Variants in EMP2 observed in about 807,000 individuals in gnomAD.
The protein encoded by EMP2 is epithelial membrane protein 2.
A neutral mutation model predicts 13.7 loss-of-function variants in EMP2; 19 were observed. The ratio of observed to expected loss-of-function variants is 1.38; its 90% CI spans 0.97 to 2.03. The LOEUF (loss-of-function observed/expected upper bound fraction) is 2.03, where lower values mean the gene tolerates loss of function less well. Among genes scored for constraint, EMP2 ranks in the 30% most tolerant of loss-of-function variants. The probability of loss-of-function intolerance (pLI) is 0.00; values close to 1 mark genes in which losing one functional copy is unlikely to be tolerated. For missense variants in EMP2, 253 were observed against 220.7 expected, an observed-to-expected ratio of 1.15 and a Z score of -0.93; for synonymous variants, 97 against 84.7, an observed-to-expected ratio of 1.15 and a Z score of -0.80.
Position 10,530,365 on chromosome 16 carries a change from C to T in EMP2, c.*2540G>A, listed in dbSNP as rs2050588689. The T allele has an allele frequency of 6.6e-6, 1 of 152,520 alleles. No homozygotes were observed. The highest frequency in any genetic ancestry group is 1.5e-5 in the Non-Finnish European group (1 of 68,058). 9.4% of individuals were successfully genotyped at this position (152,520 alleles called of 1,614,324 possible). A position where few individuals can be genotyped will look rare whatever the true frequency, so the allele number is the denominator to read the frequency against. Reference sequence around the variant, plus strand: ...AGCCAATCCTGCATTGAAGAGATATCCATGGTGGCCCTAAAACTACTCAAA... The same window carrying T: ...AGCCAATCCTGCATTGAAGAGATATTCATGGTGGCCCTAAAACTACTCAAA... On this transcript the variant is annotated 3_prime_UTR_variant, in exon 5 of 5. Coordinates refer to ENST00000359543, the MANE Select transcript of EMP2 (RefSeq NM_001424.6).
chr16:10,554,976 C>T (rs1225623001), intron 1 of EMP2, among the ~76,000 whole-genome samples: 2 of 152,118 alleles, frequency 1.3e-5, no homozygotes, highest in Non-Finnish European at 2.9e-5. Context: ...GCATCTTATT[C>T]GTTCAGTTGT....
In EMP2 at chr16:10,537,910, G is replaced by A; in HGVS notation, c.316+18C>T. On this transcript the variant is annotated intron_variant, in intron 4 of 4. Coordinates refer to ENST00000359543, the MANE Select transcript of EMP2 (RefSeq NM_001424.6). ...TTCCAGAAAGCCCCTTGTTAGGGAA[G>A]CCCGTTGATGTACTTACATGACATT... 6.2e-7 allele frequency: 1 copy of A among 1,609,780 alleles called. No homozygotes were observed. The highest frequency in any genetic ancestry group is 8.5e-7 in the Non-Finnish European group (1 of 1,176,410).
intron 3 of EMP2, among the ~76,000 whole-genome samples, 195 bp downstream of exon 3, chr16:10,543,375 G>A (rs185058238): frequency 5.3e-5 from 8 of 152,366 alleles, no homozygotes; most frequent in East Asian, 1.9e-4. Flanking sequence ...TCCAGCCTCC[G>A]GCTTCTCCAC....
intron 1 of EMP2, among the ~76,000 whole-genome samples, chr16:10,572,358 G>A (rs929671584): frequency 2.6e-5 from 4 of 151,872 alleles, no homozygotes; most frequent in Non-Finnish European, 4.4e-5. Flanking sequence ...GAGGACAGAG[G>A]ATCACTTGAG....
At chr16:10,557,796 C>T (rs1490612712) in intron 1 of EMP2, among the ~76,000 whole-genome samples, 1 of 152,066 alleles carries the variant, frequency 6.6e-6, no homozygotes, top group Non-Finnish European at 1.5e-5. Flanking sequence ...CAGGAAATTA[C>T]AACTTCAGAC....
intron 1 of EMP2, among the ~76,000 whole-genome samples, chr16:10,555,899 T>C (rs575283389): frequency 6.6e-6 from 1 of 152,308 alleles, no homozygotes; most frequent in African/African-American, 2.4e-5. Context: ...AGCAATCACT[T>C]TTAATCTTTT....
chr16:10,542,898 C>T (rs529375250), intron 3 of EMP2, among the ~76,000 whole-genome samples: 6 of 152,266 alleles, frequency 3.9e-5, no homozygotes, highest in African/African-American at 1.2e-4. Flanking sequence ...CAGGGTGGAG[C>T]GCAGTGGCGT....
At chr16:10,571,878 G>A (rs1377704782) in intron 1 of EMP2, among the ~76,000 whole-genome samples, 3 of 152,286 alleles carry the variant, frequency 2.0e-5, no homozygotes, top group South Asian at 4.1e-4. Context: ...TATACTGAGA[G>A]GCCACCACTG....
At chr16:10,533,140 A>T (rs746145602) in intron 4 of EMP2, 48 bp from the exon 5 acceptor site, 2 of 1,445,512 alleles carry the variant, frequency 1.4e-6, no homozygotes, top group South Asian at 3.2e-5. Context: ...ACCACAGTGC[A>T]CCCTGGGTAG....
chr16:10,565,602 C>T (rs924433075), intron 1 of EMP2, among the ~76,000 whole-genome samples: 13 of 152,134 alleles, frequency 8.5e-5, no homozygotes, highest in African/African-American at 2.9e-4. Context: ...TCTGCAGAAC[C>T]CTAATATAGC....
At chr16:10,542,259 ATGG>A (rs1315918331) in intron 3 of EMP2, among the ~76,000 whole-genome samples, 2 of 152,034 alleles carry the variant, frequency 1.3e-5, no homozygotes, top group African/African-American at 2.4e-5. Flanking sequence ...TTAGCTGGGC[ATGG>A]TGGTGAGTGC....
At chr16:10,552,762 G>T (rs1205732666) in intron 1 of EMP2, among the ~76,000 whole-genome samples, 14 of 152,204 alleles carry the variant, frequency 9.2e-5, no homozygotes, top group Non-Finnish European at 1.5e-5. Context: ...AGGACAGGTG[G>T]TCCTCAGTGT....
chr16:10,541,220 C>T (rs12599675), intron 3 of EMP2, among the ~76,000 whole-genome samples: 28,118 of 149,620 alleles, frequency 0.19, 3,092 homozygotes, highest in African/African-American at 0.31. Context: ...CTGGGCAACA[C>T]AGCAAGACCC....
At position 10,528,442 on chromosome 16, in the gene EMP2, T is replaced by C. The variant is rs980326934; in HGVS notation, c.*4463A>G. On this transcript the variant is annotated 3_prime_UTR_variant, in exon 5 of 5. Transcript: ENST00000359543. ...GATTGTCCAGTGATAAATTGTCCAT[T>C]TATCAGTTGCTTAGTGTAAAAACCA... 6.6e-6 allele frequency: 1 copy of C among 152,176 alleles called. No homozygotes were observed. Among genetic ancestry groups the C allele is most frequent in the African/African-American group, 2.4e-5 (1 of 41,442 alleles). The allele number at this position is 152,176 out of a possible 1,614,324, so 9.4% of individuals were successfully genotyped here.
At chr16:10,575,571 G>A (rs961466406) in intron 1 of EMP2, among the ~76,000 whole-genome samples, 6 of 151,912 alleles carry the variant, frequency 3.9e-5, no homozygotes, top group African/African-American at 7.3e-5. Flanking sequence ...CACCCCCATC[G>A]CTAGATGATA....
At position 10,574,361 on chromosome 16, in the gene EMP2, G is replaced by A. The variant is rs144272770; in HGVS notation, c.-61+6188C>T. 4.6e-3 allele frequency among the ~76,000 whole-genome samples: 695 copies of A among 151,768 alleles called. 6 individuals are homozygous for A. Among genetic ancestry groups the A allele is most frequent in the Non-Finnish European group, 4.5e-3 (309 of 67,948 alleles). On this transcript the variant is annotated intron_variant, in intron 1 of 4. Transcript: ENST00000359543. Reference sequence around the variant, plus strand: ...GGATATTCTATTCCAATAATGCTCCGTGAGCATCCTCACGCCTGCCTCCTT... The same window carrying A: ...GGATATTCTATTCCAATAATGCTCCATGAGCATCCTCACGCCTGCCTCCTT...
At chr16:10,568,148 C>G (rs1032647454) in intron 1 of EMP2, among the ~76,000 whole-genome samples, 1 of 152,140 alleles carries the variant, frequency 6.6e-6, no homozygotes, top group Non-Finnish European at 1.5e-5. Flanking sequence ...AAGGGCACAC[C>G]ATTGGGGCTT....
chr16:10,575,947 T>C (rs976874399), intron 1 of EMP2, among the ~76,000 whole-genome samples: 19 of 152,062 alleles, frequency 1.2e-4, no homozygotes, highest in Admixed American at 1.1e-3. Flanking sequence ...ATGAGTCATG[T>C]TTCCAAAAAG....
intron 4 of EMP2, among the ~76,000 whole-genome samples, chr16:10,534,912 A>G (rs1331350786): frequency 6.6e-6 from 1 of 152,212 alleles, no homozygotes; most frequent in East Asian, 1.9e-4. Context: ...ATGCTCAGAC[A>G]TTCTCTGGCC....
Sources: gnomAD v4.1 joint callset for allele counts (sites outside exome capture counted in the v4.1 genomes callset) on GRCh38, gnomAD v4.1.1 for gene constraint, MANE v1.5 for transcripts, NCBI Gene and HGNC (gene_info 2026-07-23, HGNC 2026-07-21) for gene names.